GNS: variants seen among roughly 807,000 people sequenced by gnomAD.
GNS encodes the protein N-acetylglucosamine-6-sulfatase.
A neutral mutation model predicts 69.7 loss-of-function variants in GNS; 40 were observed. That is an observed-to-expected ratio of 0.57 (90% CI 0.45 to 0.75). GNS has a LOEUF of 0.75. GNS is among the 30% of genes least tolerant of loss of function. GNS has a pLI of 0.00. For missense variants in GNS, 565 were observed against 685.5 expected, an observed-to-expected ratio of 0.82 and a Z score of 1.96; for synonymous variants, 243 against 251.6, an observed-to-expected ratio of 0.97 and a Z score of 0.32.
At chr12:64,736,824 T>C (rs1869569703) in intron 9 of GNS, among the ~76,000 whole-genome samples, 180 bp downstream of exon 9, 1 of 151,786 alleles carries the variant, frequency 6.6e-6, no homozygotes, top group South Asian at 2.1e-4. Flanking sequence ...AAAATACAGA[T>C]ACAGAGAGCA....
At chr12:64,721,851 C>T (rs1000064275) in intron 11 of GNS, 146 bp from the exon 12 acceptor site, 2 of 700,438 alleles carry the variant, frequency 2.9e-6, no homozygotes, top group Admixed American at 2.0e-5. Flanking sequence ...GCCAGTAACT[C>T]AAAAACAGAT....
intron 1 of GNS, among the ~76,000 whole-genome samples, chr12:64,754,652 G>A (rs1188158595): frequency 1.3e-5 from 2 of 152,106 alleles, no homozygotes; most frequent in Non-Finnish European, 2.9e-5. Flanking sequence ...ACTTTAGAAG[G>A]CAGAGGCAGG....
At chr12:64,730,737 A>G (rs944369974) in intron 9 of GNS, among the ~76,000 whole-genome samples, 5 of 152,194 alleles carry the variant, frequency 3.3e-5, no homozygotes, top group Non-Finnish European at 7.3e-5. Context: ...AGCAGCTTGG[A>G]AAACAGTCAT....
chr12:64,717,907 G>A (rs1868916416), intron 13 of GNS, among the ~76,000 whole-genome samples: 1 of 152,152 alleles, frequency 6.6e-6, no homozygotes, highest in African/African-American at 2.4e-5. Flanking sequence ...GATCCTCTGT[G>A]GATAAGGGGG....
intron 6 of GNS, 56 bp downstream of exon 6, chr12:64,743,085 T>A (rs1286600133): frequency 7.6e-7 from 1 of 1,315,076 alleles, no homozygotes; most frequent in East Asian, 2.3e-5. Context: ...CTGACAAGTA[T>A]ACCATATAGT....
chr12:64,742,242 A>C (rs111405080), intron 6 of GNS, among the ~76,000 whole-genome samples: 19 of 152,170 alleles, frequency 1.2e-4, no homozygotes, highest in East Asian at 3.9e-4. Context: ...GGATGGTCTC[A>C]ATCTCCTGAC....
chr12:64,756,812 T>C (rs1022960921), intron 1 of GNS: 7 of 936,952 alleles, frequency 7.5e-6, no homozygotes, highest in Admixed American at 2.1e-5. Context: ...GTTTGACTTA[T>C]GCCCTCCACT....
intron 5 of GNS, among the ~76,000 whole-genome samples, 162 bp downstream of exon 5, chr12:64,744,647 G>A (rs1281788769): frequency 6.6e-6 from 1 of 152,178 alleles, no homozygotes; most frequent in Non-Finnish European, 1.5e-5. Flanking sequence ...ACCCTGAGGA[G>A]TTTGTAATCA....
chr12:64,753,728 AAACCTACGG>A (rs1870153193), intron 1 of GNS, among the ~76,000 whole-genome samples: 1 of 152,244 alleles, frequency 6.6e-6, no homozygotes, highest in Non-Finnish European at 1.5e-5. Flanking sequence ...TATAAATACA[AAACCTACGG>A]AATCCATAAA....
intron 11 of GNS, 182 bp downstream of exon 11, chr12:64,722,824 C>T: frequency 1.6e-6 from 1 of 610,422 alleles, no homozygotes; most frequent in Non-Finnish European, 3.0e-6. Flanking sequence ...ATTCTGATGA[C>T]AGGTCAGCAG....
intron 9 of GNS, among the ~76,000 whole-genome samples, chr12:64,730,978 T>C (rs541029129): frequency 6.6e-6 from 1 of 152,272 alleles, no homozygotes; most frequent in Non-Finnish European, 1.5e-5. Context: ...AACCCAGAGA[T>C]ATAAAATGGT....
At chr12:64,756,547 T>C in intron 1 of GNS, 2 of 580,412 alleles carry the variant, frequency 3.4e-6, no homozygotes, top group Non-Finnish European at 6.1e-6. Flanking sequence ...ATATTAGCTA[T>C]ATGAACTTAG....
At chr12:64,757,408 G>C (rs910937414) in intron 1 of GNS, among the ~76,000 whole-genome samples, 1 of 152,094 alleles carries the variant, frequency 6.6e-6, no homozygotes, top group African/African-American at 2.4e-5. Flanking sequence ...CACTCTTCAA[G>C]GACACATTTT....
intron 9 of GNS, among the ~76,000 whole-genome samples, chr12:64,735,314 C>A (rs1483178059): frequency 6.6e-6 from 1 of 152,218 alleles, no homozygotes; most frequent in African/African-American, 2.4e-5. Flanking sequence ...ACGTGATCTT[C>A]AGCAAACAAC....
chr12:64,747,707 C>CATACCTCATTTAAAT lies in GNS; in HGVS notation c.449_459+4dup. ...ATAAAAAAAGAAACAGATCATTCAA[C>CATACCTCATTTAAAT]ATACCTCATTTAAATATTTCCCTGC... is the stretch of plus-strand genomic sequence containing the variant. On this transcript the variant is annotated splice_donor_region_variant and intron_variant, in intron 3 of 13. Transcript: ENST00000258145. The CATACCTCATTTAAAT allele has an allele frequency of 6.9e-7, 1 of 1,452,522 alleles. No individual in the cohort carries two copies. The highest frequency in any genetic ancestry group is 9.7e-7 in the Non-Finnish European group (1 of 1,032,400). The allele number at this position is 1,452,522 out of a possible 1,614,324, so 90.0% of individuals were successfully genotyped here.
intron 10 of GNS, 77 bp from the exon 11 acceptor site, chr12:64,723,190 G>T: frequency 1.1e-6 from 1 of 904,996 alleles, no homozygotes; most frequent in Non-Finnish European, 1.9e-6. Context: ...GACTGCTAAA[G>T]GGGACCTGGG....
intron 2 of GNS, 102 bp from the exon 3 acceptor site, chr12:64,748,020 CA>C: frequency 1.3e-6 from 1 of 743,378 alleles, no homozygotes; most frequent in South Asian, 1.4e-5. Flanking sequence ...ACTCTAACTT[CA>C]AATATGTAGT....
chr12:64,721,200 C>A (rs963956656), intron 12 of GNS, among the ~76,000 whole-genome samples: 1 of 152,200 alleles, frequency 6.6e-6, no homozygotes, highest in Non-Finnish European at 1.5e-5. Flanking sequence ...CTCTGACCCC[C>A]ACTCTAATCT....
intron 6 of GNS, among the ~76,000 whole-genome samples, chr12:64,741,063 A>AACTTTACCTTCCTCTAAGTT (rs1869716087): frequency 2.1e-5 from 3 of 142,842 alleles, no homozygotes; most frequent in African/African-American, 2.7e-5. Context: ...ATGGGCAAAT[A>AACTTTACCTTCCTCTAAGTT]GGGCGTAGTG....
Sources: allele counts gnomAD v4.1 joint callset (sites outside exome capture counted in the v4.1 genomes callset), GRCh38; gene constraint gnomAD v4.1.1; transcripts MANE v1.5; gene names NCBI Gene and HGNC (gene_info 2026-07-23, HGNC 2026-07-21).